Variants in GABRA5 observed in about 807,000 individuals in gnomAD.
GABRA5 encodes gamma-aminobutyric acid receptor subunit alpha-5.
A neutral mutation model predicts 47.3 loss-of-function variants in GABRA5; 18 were observed. That is an observed-to-expected ratio of 0.38 (90% CI 0.26 to 0.56). The LOEUF is 0.56. Ranked by LOEUF, GABRA5 falls within the 20% of genes least tolerant of loss-of-function variation. The pLI, the probability that GABRA5 is intolerant of heterozygous loss-of-function variation, is 0.71. For missense variants in GABRA5, 365 were observed against 599.3 expected (o/e 0.61, Z 4.08); for synonymous variants, 237 against 229.3 (o/e 1.03, Z -0.30).
At chr15:26,912,969 G>A (rs1305915303) in intron 6 of GABRA5, among the ~76,000 whole-genome samples, 4 of 152,172 alleles carry the variant, frequency 2.6e-5, no homozygotes, top group Non-Finnish European at 4.4e-5. Context: ...GATCACCTGA[G>A]GTCGGGAGTT....
chr15:26,943,613 G>T (rs1013548826), intron 10 of GABRA5, among the ~76,000 whole-genome samples, 187 bp downstream of exon 10: 5 of 152,166 alleles, frequency 3.3e-5, no homozygotes. Context: ...AGCAAAAGGC[G>T]ATGGGGTGTG....
intron 6 of GABRA5, among the ~76,000 whole-genome samples, chr15:26,896,037 G>C (rs1357141191): frequency 6.6e-6 from 1 of 151,938 alleles, no homozygotes; most frequent in Non-Finnish European, 1.5e-5. Context: ...CTTCCTCCGG[G>C]TTATCAGTGC....
intron 6 of GABRA5, among the ~76,000 whole-genome samples, chr15:26,891,374 A>AACAGGTAAAAATGATC (rs1310294839): frequency 6.6e-6 from 1 of 152,226 alleles, no homozygotes; most frequent in Non-Finnish European, 1.5e-5. Flanking sequence ...TGATAAATGA[A>AACAGGTAAAAATGATC]ACAGGTAAAA....
At chr15:26,939,673 C>T (rs1040111477) in intron 8 of GABRA5, 7 of 595,964 alleles carry the variant, frequency 1.2e-5, no homozygotes, top group Non-Finnish European at 2.1e-5. Context: ...GTAAAACACA[C>T]AAATCTGATT....
chr15:26,929,791 C>T (rs1425358030), intron 7 of GABRA5, among the ~76,000 whole-genome samples: 2 of 152,162 alleles, frequency 1.3e-5, no homozygotes, highest in Non-Finnish European at 2.9e-5. Flanking sequence ...CAGGTACCAG[C>T]ATCCCTCCTT....
intron 6 of GABRA5, among the ~76,000 whole-genome samples, chr15:26,913,194 A>AAG (rs1283776648): frequency 6.6e-6 from 1 of 151,992 alleles, no homozygotes; most frequent in East Asian, 1.9e-4. Context: ...AAAAAAAAAA[A>AAG]AAAAAAATCC....
At chr15:26,897,863 G>A (rs1893237419) in intron 6 of GABRA5, among the ~76,000 whole-genome samples, 1 of 151,962 alleles carries the variant, frequency 6.6e-6, no homozygotes, top group African/African-American at 2.4e-5. Context: ...CCCACGGAGG[G>A]GCTTTTTAGT....
At chr15:26,945,439 C>T (rs1014097602) in intron 10 of GABRA5, among the ~76,000 whole-genome samples, 4 of 152,204 alleles carry the variant, frequency 2.6e-5, no homozygotes, top group Non-Finnish European at 5.9e-5. Flanking sequence ...TAGGAGTGAA[C>T]GTTTGGGAAA....
At chr15:26,916,334 T>A (rs1211551084) in intron 7 of GABRA5, among the ~76,000 whole-genome samples, 1 of 152,222 alleles carries the variant, frequency 6.6e-6, no homozygotes, top group African/African-American at 2.4e-5. Flanking sequence ...AGAGATTATC[T>A]TTTCCTCATT....
intron 2 of GABRA5, 124 bp from the exon 3 acceptor site, chr15:26,869,051 C>G: frequency 1.8e-6 from 1 of 549,602 alleles, no homozygotes; most frequent in Non-Finnish European, 3.3e-6. Flanking sequence ...GTGCAGCTGT[C>G]CTGGGGAAGG....
chr15:26,940,939 T>G (rs10519587), intron 9 of GABRA5, among the ~76,000 whole-genome samples: 55,478 of 152,142 alleles, frequency 0.36, 11,569 homozygotes, highest in Middle Eastern at 0.6. Context: ...TGCTCACATC[T>G]TTGTAAACTG....
At chr15:26,939,622 G>C in intron 8 of GABRA5, 2 of 600,482 alleles carry the variant, frequency 3.3e-6, no homozygotes, top group Non-Finnish European at 5.9e-6. Flanking sequence ...AAGCAGGCGA[G>C]GGAGTGGGGG....
Position 26,943,247 on chromosome 15 carries a change from A to G in GABRA5, c.910A>G (p.Ser304Gly). The change falls in exon 10 of 11, where the codon AGC (serine) becomes GGC (glycine). Residue 304 changes from serine (S) to glycine (G), a missense_variant. Transcript: ENST00000335625. ...CACGGTGCTGACCATGACGACCCTC[A>G]GCATCAGCGCCAGGAACTCTCTGCC... ...VTTVLTMTTLSISARNSLPKV... is the reference protein window; with the variant it reads ...VTTVLTMTTLGISARNSLPKV... The G allele has an allele frequency of 6.4e-7, 1 of 1,560,154 alleles. No individual in the cohort carries two copies. Among genetic ancestry groups the G allele is most frequent in the Non-Finnish European group, 8.7e-7 (1 of 1,152,206 alleles).
At chr15:26,885,446 G>T (rs1286304807) in intron 6 of GABRA5, among the ~76,000 whole-genome samples, 2 of 152,154 alleles carry the variant, frequency 1.3e-5, no homozygotes, top group African/African-American at 4.8e-5. Context: ...AGCAAAGGTG[G>T]CTTCTCTCAC....
chr15:26,931,195 G>A (rs1478925258), intron 7 of GABRA5, among the ~76,000 whole-genome samples: 3 of 152,058 alleles, frequency 2.0e-5, no homozygotes, highest in Non-Finnish European at 2.9e-5. Flanking sequence ...CACTGCGCCC[G>A]GCCGCCAATT....
chr15:26,870,321 C>T (rs907623421), intron 3 of GABRA5, among the ~76,000 whole-genome samples: 3 of 152,230 alleles, frequency 2.0e-5, no homozygotes, highest in Non-Finnish European at 2.9e-5. Context: ...GCTCTTCTGA[C>T]TCTTCTGTGC....
chr15:26,902,693 G>A (rs1388553819), intron 6 of GABRA5, among the ~76,000 whole-genome samples: 2 of 152,200 alleles, frequency 1.3e-5, no homozygotes, highest in South Asian at 2.1e-4. Flanking sequence ...AGGGTAGTGA[G>A]AGTAGACATC....
intron 6 of GABRA5, among the ~76,000 whole-genome samples, chr15:26,892,818 G>GCTTC (rs1893041562): frequency 6.6e-6 from 1 of 152,114 alleles, no homozygotes; most frequent in Admixed American, 6.5e-5. Flanking sequence ...GGTCTGGGCG[G>GCTTC]CTTCCGGAGG....
At position 26,878,140 on chromosome 15, in the gene GABRA5, C is replaced by T. The variant is rs72625130; in HGVS notation, c.87-2706C>T. ...TGTAGGACTCATCCGTCACACGCTG[C>T]ACATTAGTGCTCACCAAAGGCATAG... On this transcript the variant is annotated intron_variant, in intron 3 of 10. Coordinates refer to ENST00000335625, the MANE Select transcript of GABRA5 (RefSeq NM_000810.4). Among the ~76,000 whole-genome samples, 1,648 of 152,368 alleles carry T rather than the reference C, an allele frequency of 0.011. 80 individuals are homozygous for T. In the East Asian group the frequency reaches 0.17, roughly 16 times the overall value.
Sources: allele counts gnomAD v4.1 joint callset (sites outside exome capture counted in the v4.1 genomes callset), GRCh38; gene constraint gnomAD v4.1.1; transcripts MANE v1.5; gene names NCBI Gene and HGNC (gene_info 2026-07-23, HGNC 2026-07-21).